SLC35F3: variants seen among roughly 807,000 people sequenced by gnomAD.
SLC35F3 encodes putative thiamine transporter SLC35F3.
In SLC35F3, 25 loss-of-function variants were observed where a neutral mutation model predicts 49.9. That is an observed-to-expected ratio of 0.50 (90% confidence interval 0.37 to 0.70). The LOEUF (loss-of-function observed/expected upper bound fraction) is 0.70, where lower values mean the gene tolerates loss of function less well. Ranked by LOEUF, SLC35F3 falls within the 30% of genes least tolerant of loss-of-function variation. The pLI, the probability that SLC35F3 is intolerant of heterozygous loss-of-function variation, is 0.00. For missense variants in SLC35F3, 525 were observed against 639.8 expected, an observed-to-expected ratio of 0.82 and a Z score of 1.94; for synonymous variants, 275 against 265.4, an observed-to-expected ratio of 1.04 and a Z score of -0.35.
intron 3 of SLC35F3, chr1:234,306,462 T>G (rs1657187209): frequency 6.5e-6 from 1 of 153,322 alleles, no homozygotes; most frequent in Non-Finnish European, 1.5e-5. Flanking sequence ...CGGCCAATAT[T>G]ATGCTATTTT....
intron 2 of SLC35F3, among the ~76,000 whole-genome samples, chr1:234,099,833 T>C (rs1665188435): frequency 6.6e-6 from 1 of 152,122 alleles, no homozygotes; most frequent in Admixed American, 6.5e-5. Context: ...GAAAGCAAAA[T>C]GAAAACATTC....
At chr1:234,186,267 T>C (rs191729446) in intron 2 of SLC35F3, among the ~76,000 whole-genome samples, 1 of 152,190 alleles carries the variant, frequency 6.6e-6, no homozygotes, top group East Asian at 1.9e-4. Flanking sequence ...TCCGCTCTGC[T>C]GAGTCAGACT....
intron 2 of SLC35F3, among the ~76,000 whole-genome samples, chr1:234,196,351 T>A (rs545397689): frequency 6.6e-6 from 1 of 152,372 alleles, no homozygotes; most frequent in African/African-American, 2.4e-5. Flanking sequence ...CTGGGCACAC[T>A]GCCTGTGGGG....
At chr1:233,992,244 T>C (rs1237356882) in intron 2 of SLC35F3, among the ~76,000 whole-genome samples, 1 of 152,218 alleles carries the variant, frequency 6.6e-6, no homozygotes, top group Non-Finnish European at 1.5e-5. Context: ...AATAAGTGAA[T>C]GCTATTTTAT....
rs1198597866 is a variant in SLC35F3, at chr1:234,320,177, T to A, written c.1227T>A (p.Pro409=). 1 of 1,613,420 alleles carries A rather than the reference T, an allele frequency of 6.2e-7. No homozygotes were observed. Among genetic ancestry groups the A allele is most frequent in the Admixed American group, 1.7e-5 (1 of 60,022 alleles). Residue 409 remains proline, a synonymous_variant, in exon 7 of 8, where the codon CCT becomes CCA. Coordinates refer to ENST00000366618, the MANE Select transcript of SLC35F3 (RefSeq NM_173508.4). The surrounding 1 kb of genome is among the most constrained non-coding windows in gnomAD (Gnocchi z 4.8). ...CTCTTGGAATCGTCCTCAGCATACC[T>A]GTGAATGCAGGTAAACCTATGCGGC... The part of the protein sequence containing the change: ...LMSLGIVLSI[P]VNAVIDHYTS...
At chr1:234,313,204 G>A (rs1209064112) in intron 4 of SLC35F3, among the ~76,000 whole-genome samples, 1 of 152,128 alleles carries the variant, frequency 6.6e-6, no homozygotes, top group Non-Finnish European at 1.5e-5. Context: ...GACTAAGCAG[G>A]AGGAGCCCTA....
chr1:234,178,864 G>A (rs1330440486), intron 2 of SLC35F3, among the ~76,000 whole-genome samples: 1 of 151,836 alleles, frequency 6.6e-6, no homozygotes, highest in African/African-American at 2.4e-5. Flanking sequence ...CTAATGACAT[G>A]TGTATCTATC....
chr1:234,281,947 G>A (rs539332102), intron 3 of SLC35F3, among the ~76,000 whole-genome samples: 34 of 152,284 alleles, frequency 2.2e-4, no homozygotes, highest in South Asian at 8.3e-4. Flanking sequence ...CAAGGAGCAC[G>A]CAATGGCTGT....
chr1:234,023,569 C>G (rs1477769585), intron 2 of SLC35F3, among the ~76,000 whole-genome samples: 1 of 152,094 alleles, frequency 6.6e-6, no homozygotes, highest in African/African-American at 2.4e-5. Context: ...TAGATAGACA[C>G]TCCACTCTCA....
chr1:233,937,882 A>C (rs190352501), intron 2 of SLC35F3, among the ~76,000 whole-genome samples: 8 of 152,192 alleles, frequency 5.3e-5, no homozygotes, highest in African/African-American at 1.7e-4. Flanking sequence ...GAGAGGGGTG[A>C]GTGGAGGATG....
chr1:234,050,777 C>A (rs12026812), intron 2 of SLC35F3, among the ~76,000 whole-genome samples: 2 of 152,300 alleles, frequency 1.3e-5, no homozygotes, highest in East Asian at 3.9e-4. Flanking sequence ...TTAGGTCTAA[C>A]ATTTAAGTCT....
intron 2 of SLC35F3, among the ~76,000 whole-genome samples, chr1:234,067,718 C>G (rs1394762919): frequency 2.0e-5 from 3 of 152,224 alleles, no homozygotes; most frequent in African/African-American, 7.2e-5. Context: ...TTGATACCAC[C>G]TAGCCCGAGC....
chr1:234,175,410 G>A (rs775705540), intron 2 of SLC35F3, among the ~76,000 whole-genome samples: 4 of 152,080 alleles, frequency 2.6e-5, no homozygotes, highest in Non-Finnish European at 5.9e-5. Flanking sequence ...CTTTGATGAA[G>A]CAAAAGGAGG....
At chr1:234,189,153 T>C (rs4027086) in intron 2 of SLC35F3, among the ~76,000 whole-genome samples, 12,628 of 151,472 alleles carry the variant, frequency 0.083, 1,430 homozygotes, top group African/African-American at 0.26. Context: ...CAAGGTTCTT[T>C]AACACCTCAA....
At chr1:234,239,515 A>G (rs914981343) in intron 3 of SLC35F3, among the ~76,000 whole-genome samples, 2 of 152,240 alleles carry the variant, frequency 1.3e-5, no homozygotes, top group African/African-American at 4.8e-5. Flanking sequence ...GGAAAGATCA[A>G]AAAAGGACTT....
chr1:233,962,993 A>C (rs1662829514), intron 2 of SLC35F3, among the ~76,000 whole-genome samples: 1 of 152,248 alleles, frequency 6.6e-6, no homozygotes, highest in Non-Finnish European at 1.5e-5. Flanking sequence ...GCATAGCTGC[A>C]ATCTCTTTCA....
At chr1:234,138,253 A>C (rs1267596349) in intron 2 of SLC35F3, among the ~76,000 whole-genome samples, 1 of 152,190 alleles carries the variant, frequency 6.6e-6, no homozygotes, top group East Asian at 1.9e-4. Context: ...TACTTATCTC[A>C]GAAGTTGTGG....
intron 2 of SLC35F3, among the ~76,000 whole-genome samples, chr1:233,927,395 A>G (rs1157118120): frequency 6.6e-6 from 1 of 152,170 alleles, no homozygotes; most frequent in East Asian, 1.9e-4. Flanking sequence ...ATTTACTTCA[A>G]AATGGTTTTT....
Position 234,249,894 on chromosome 1 carries a change from G to A in SLC35F3, c.608+18153G>A, listed in dbSNP as rs560500968. Among the ~76,000 whole-genome samples the A allele has an allele frequency of 5.0e-4, 76 of 152,234 alleles. 1 individual carries two copies. Among genetic ancestry groups the A allele is most frequent in the African/African-American group, 1.8e-3 (75 of 41,534 alleles). ...TGCACCATGTTAATTAGGCTTCTGT[G>A]GTCAAAGCAGTTTGTGGAATGTATA... On this transcript the variant is annotated intron_variant, in intron 3 of 7. Transcript: ENST00000366618.
Sources: gnomAD v4.1 joint callset for allele counts (sites outside exome capture counted in the v4.1 genomes callset) on GRCh38, gnomAD v4.1.1 for gene constraint, Gnocchi (gnomAD v3.1) non-coding constraint, MANE v1.5 for transcripts, NCBI Gene and HGNC (gene_info 2026-07-23, HGNC 2026-07-21) for gene names.